The following IMMT variants were observed in gnomAD, a reference collection of about 807,000 sequenced individuals.
The protein encoded by IMMT is MICOS complex subunit MIC60.
A neutral mutation model predicts 92.7 loss-of-function variants in IMMT; 40 were observed. The ratio of observed to expected loss-of-function variants is 0.43; its 90% CI spans 0.34 to 0.56. The LOEUF (loss-of-function observed/expected upper bound fraction) is 0.56. Among genes scored for constraint, IMMT ranks in the 20% least tolerant of loss-of-function variants. The pLI is 0.03. For synonymous variants in IMMT, 322 were observed against 336.1 expected (o/e 0.96, Z 0.46); for missense variants, 831 against 912.1 (o/e 0.91, Z 1.14).
rs780740050 is a variant in IMMT at position 86,166,596 on chromosome 2, G to A, written c.704C>T (p.Thr235Ile). Residue 235 changes from threonine (T) to isoleucine (I), a missense_variant, in exon 7 of 15, where the codon ACT becomes ATT. Physicochemically the swap from Thr to Ile is moderately conservative, Grantham distance 89. Coordinates refer to ENST00000410111, the MANE Select transcript of IMMT (RefSeq NM_006839.3). Reference protein sequence around the residue: ...EDALRQTASVTLQAIAAQNAA... With the variant: ...EDALRQTASVILQAIAAQNAA... The stretch of plus-strand genomic sequence containing the variant: ...ATTCTGAGCTGCAATAGCCTGCAGA[G>A]TGACACTTGCAGTTTGCCTCAGAGC... 3 of 1,612,822 alleles carry A rather than the reference G, an allele frequency of 1.9e-6. No homozygotes were observed. In the East Asian group the frequency reaches 6.7e-5, roughly 36 times the overall value.
At position 86,195,451 on chromosome 2, in the gene IMMT, G is replaced by A. The variant is rs1274367459; in HGVS notation, c.-69C>T. 3.3e-6 allele frequency: 5 copies of A among 1,500,134 alleles called. No individual in the cohort carries two copies. The East Asian group carries it at 7.6e-5, about 23-fold the overall frequency. 92.9% of individuals were successfully genotyped at this position (1,500,134 alleles called of 1,614,324 possible). On this transcript the variant is annotated 5_prime_UTR_variant, in exon 1 of 15. Coordinates refer to ENST00000410111, the MANE Select transcript of IMMT (RefSeq NM_006839.3). ...GGCGGCGCGAGTTAAGTGGAGGCGT[G>A]CTTGCGTGTGTGCGTGCCCGCGTCC... is the stretch of plus-strand genomic sequence containing the variant.
chr2:86,191,676 G>C (rs1673126794), intron 1 of IMMT, among the ~76,000 whole-genome samples: 1 of 151,642 alleles, frequency 6.6e-6, no homozygotes, highest in East Asian at 1.9e-4. Context: ...GGCCAAGGTG[G>C]GGGGATCACA....
intron 1 of IMMT, among the ~76,000 whole-genome samples, chr2:86,193,909 AG>A (rs1056522774): frequency 1.3e-5 from 2 of 152,256 alleles, no homozygotes; most frequent in African/African-American, 4.8e-5. Flanking sequence ...GAGGTCATCC[AG>A]GTGGGCCTGG....
chr2:86,181,168 C>A, intron 2 of IMMT, 131 bp downstream of exon 2: 1 of 610,466 alleles, frequency 1.6e-6, no homozygotes, highest in South Asian at 2.2e-5. Flanking sequence ...AATAATGTTA[C>A]AGCAAAGCTT....
intron 8 of IMMT, among the ~76,000 whole-genome samples, chr2:86,161,121 T>G (rs1318677373): frequency 1.3e-5 from 2 of 151,976 alleles, no homozygotes; most frequent in Non-Finnish European, 2.9e-5. Flanking sequence ...AAAAATCCTT[T>G]ATATAAGTTT....
chr2:86,149,683 G>A (rs1377092259), intron 12 of IMMT, among the ~76,000 whole-genome samples: 2 of 152,044 alleles, frequency 1.3e-5, no homozygotes, highest in East Asian at 1.9e-4. Context: ...TTCGAGACCA[G>A]CCTGGCCAAC....
chr2:86,147,904 A>C lies in IMMT; in HGVS notation c.1402-71T>G, dbSNP rs969575464. ...ATACTTTTAGGAAAACAGAAAGACC[A>C]CTATCAACCATGACAACAGCAGCTT... On this transcript the variant is annotated intron_variant, in intron 12 of 14. Coordinates refer to ENST00000410111, the MANE Select transcript of IMMT (RefSeq NM_006839.3). 13 of 1,481,536 alleles carry C rather than the reference A, an allele frequency of 8.8e-6. No homozygotes were observed. In the African/African-American group the frequency reaches 1.7e-4, roughly 19 times the overall value. The allele number at this position is 1,481,536 out of a possible 1,614,324, so 91.8% of individuals were successfully genotyped here. A position where few individuals can be genotyped will look rare whatever the true frequency, so the allele number is the denominator to read the frequency against.
At chr2:86,155,368 T>C (rs947908219) in intron 10 of IMMT, among the ~76,000 whole-genome samples, 11 of 51,106 alleles carry the variant, frequency 2.2e-4, no homozygotes, top group African/African-American at 8.8e-4. Flanking sequence ...ATACAAATCA[T>C]TTAGGCAGAG....
chr2:86,155,461 T>C (rs1675790362), intron 10 of IMMT, among the ~76,000 whole-genome samples: 1 of 152,214 alleles, frequency 6.6e-6, no homozygotes, highest in African/African-American at 2.4e-5. Flanking sequence ...TTTTTTCATC[T>C]ATGTAATTGG....
At chr2:86,145,023 C>G in intron 14 of IMMT, 142 bp from the exon 15 acceptor site, 1 of 951,778 alleles carries the variant, frequency 1.1e-6, no homozygotes, top group Non-Finnish European at 1.5e-6. Flanking sequence ...CCCACCCCCA[C>G]CACTTATTTC....
At position 86,144,754 on chromosome 2, in the gene IMMT, C is replaced by A; in HGVS notation, c.1791G>T (p.Glu597Asp). 3 of 1,613,852 alleles carry A rather than the reference C, an allele frequency of 1.9e-6. No individual in the cohort carries two copies. Among genetic ancestry groups the A allele is most frequent in the Non-Finnish European group, 2.5e-6 (3 of 1,179,894 alleles). Reference sequence around the variant, plus strand: ...TATCAGAACAGTTGGCTTTGATGGCCTCAACTGCACTACCCAGCGGGATAG... The same window carrying A: ...TATCAGAACAGTTGGCTTTGATGGCATCAACTGCACTACCCAGCGGGATAG... ...TPTIPLGSAV[E>D]AIKANCSDNE... is the part of the protein sequence containing the mutation. Residue 597 changes from glutamate (E) to aspartate (D), a missense_variant, in exon 15 of 15, where the codon GAG (glutamate) becomes GAT (aspartate). Physicochemically the swap from Glu to Asp is conservative, Grantham distance 45. Transcript: ENST00000410111.
At chr2:86,144,915 T>C (rs1008945321) in intron 14 of IMMT, 34 bp from the exon 15 acceptor site, 1 of 1,551,126 alleles carries the variant, frequency 6.4e-7, no homozygotes, top group East Asian at 2.2e-5. Flanking sequence ...CAAACATTTT[T>C]CTCTCCATCT....
In IMMT at chr2:86,146,196, T is replaced by A. The variant is rs1358380090; in HGVS notation, c.1535A>T (p.Asn512Ile). ...EQELKSEFEQ[N>I]LSEKLSEQEL... Reference sequence around the variant, plus strand: ...TTGTTCAGAGAGTTTCTCAGACAGGTTCTGAAATAAAACAGAAATAGTTCC... The same window carrying A: ...TTGTTCAGAGAGTTTCTCAGACAGGATCTGAAATAAAACAGAAATAGTTCC... The change falls in exon 14 of 15, where the codon AAC becomes ATC. Residue 512 changes from asparagine to isoleucine, a missense_variant and splice_region_variant. By Grantham distance (149) the Asn-to-Ile change is moderately radical (BLOSUM62 -3). Transcript: ENST00000410111. 6.9e-6 allele frequency: 11 copies of A among 1,602,660 alleles called. No individual in the cohort carries two copies. Among genetic ancestry groups the A allele is most frequent in the Non-Finnish European group, 9.4e-6 (11 of 1,172,274 alleles).
intron 1 of IMMT, among the ~76,000 whole-genome samples, chr2:86,183,661 G>A (rs1233850169): frequency 6.6e-6 from 1 of 152,132 alleles, no homozygotes; most frequent in African/African-American, 2.4e-5. Context: ...GCTTGCCATA[G>A]GCAACTGACA....
intron 6 of IMMT, among the ~76,000 whole-genome samples, chr2:86,168,469 A>G (rs552542694): frequency 5.0e-4 from 76 of 152,252 alleles, no homozygotes; most frequent in Admixed American, 2.2e-3. Flanking sequence ...CTAAAAATAC[A>G]AAAATTATCC....
chr2:86,144,699 T>C lies in IMMT; in HGVS notation c.1846A>G (p.Ile616Val), dbSNP rs200315961. Residue 616 changes from isoleucine (I) to valine (V), a missense_variant, in exon 15 of 15, where the codon ATC becomes GTC. By Grantham distance (29) the Ile-to-Val change is conservative (BLOSUM62 3). Coordinates refer to ENST00000410111, the MANE Select transcript of IMMT (RefSeq NM_006839.3). The stretch of plus-strand genomic sequence containing the variant: ...CCACGGGTCAGGGACTCTGGAGGGA[T>C]AGCTGCGGTTAAAGCTTGGGTGAAT... ...NEFTQALTAAIPPESLTRGVY... is the reference protein window; with the variant it reads ...NEFTQALTAAVPPESLTRGVY... 12 of 1,614,034 alleles carry C rather than the reference T, an allele frequency of 7.4e-6. No individual in the cohort carries two copies. In the East Asian group the frequency reaches 1.1e-4, roughly 15 times the overall value.
At chr2:86,180,661 T>A (rs13024884) in intron 2 of IMMT, among the ~76,000 whole-genome samples, 2 of 151,184 alleles carry the variant, frequency 1.3e-5, no homozygotes, top group Admixed American at 1.3e-4. Flanking sequence ...CCGAGGCGGA[T>A]GGATCACCTG....
intron 7 of IMMT, among the ~76,000 whole-genome samples, chr2:86,162,546 TAAAAAAA>T (rs556016411): frequency 1.4e-5 from 2 of 144,628 alleles, no homozygotes; most frequent in African/African-American, 5.0e-5. Flanking sequence ...AAATGTGTAT[TAAAAAAA>T]AAAAAGTTTT....
chr2:86,195,392 G>A lies in IMMT; in HGVS notation c.-10C>T, dbSNP rs1329450127. On this transcript the variant is annotated 5_prime_UTR_variant, in exon 1 of 15. Transcript: ENST00000410111. Reference sequence around the variant, plus strand: ...GACAGGCCCGCAGCATCTCGGTCAAGCGGACGGCGCTGCTGGTGGACTCGA... The same window carrying A: ...GACAGGCCCGCAGCATCTCGGTCAAACGGACGGCGCTGCTGGTGGACTCGA... 8 of 1,547,878 alleles carry A rather than the reference G, an allele frequency of 5.2e-6. No homozygotes were observed. Among genetic ancestry groups the A allele is most frequent in the Non-Finnish European group, 5.2e-6 (6 of 1,145,726 alleles).
Sources: allele counts gnomAD v4.1 joint callset (sites outside exome capture counted in the v4.1 genomes callset), GRCh38; gene constraint gnomAD v4.1.1; transcripts MANE v1.5; gene names NCBI Gene and HGNC (gene_info 2026-07-23, HGNC 2026-07-21).